Variants in PTPRT observed in about 807,000 individuals in gnomAD.
The protein encoded by PTPRT is receptor-type tyrosine-protein phosphatase T.
Under a neutral mutation model 176.8 loss-of-function variants are expected in PTPRT, and 56 were observed. The observed-to-expected ratio is 0.32, with a 90% CI of 0.26 to 0.40. The LOEUF (loss-of-function observed/expected upper bound fraction) is 0.40. PTPRT is among the 10% of genes least tolerant of loss of function. The pLI, the probability that PTPRT is intolerant of heterozygous loss-of-function variation, is 1.00. For missense variants in PTPRT, 1,540 were observed against 1,908.2 expected (o/e 0.81, Z 3.60); for synonymous variants, 783 against 739.0 (o/e 1.06, Z -0.96).
chr20:43,036,643 G>A (rs1484160349), intron 1 of PTPRT, among the ~76,000 whole-genome samples: 1 of 152,104 alleles, frequency 6.6e-6, no homozygotes, highest in South Asian at 2.1e-4. Flanking sequence ...AGTTAGCTAT[G>A]AAAGGTTAGA....
intron 16 of PTPRT, among the ~76,000 whole-genome samples, chr20:42,174,929 G>A (rs1241732022): frequency 6.6e-6 from 1 of 152,160 alleles, no homozygotes; most frequent in Non-Finnish European, 1.5e-5. Flanking sequence ...CAACACATCA[G>A]AGGTTATAAT....
chr20:43,049,584 C>G (rs1226360649), intron 1 of PTPRT, among the ~76,000 whole-genome samples: 1 of 152,204 alleles, frequency 6.6e-6, no homozygotes, highest in Non-Finnish European at 1.5e-5. Context: ...GCATACAACT[C>G]AATTCCTGCT....
intron 6 of PTPRT, among the ~76,000 whole-genome samples, chr20:42,754,998 C>T (rs1256690148): frequency 6.6e-6 from 1 of 151,772 alleles, no homozygotes; most frequent in Non-Finnish European, 1.5e-5. Context: ...AAAGGGGAGA[C>T]AAAAAGTCAC....
At chr20:42,639,848 C>G (rs2074697719) in intron 7 of PTPRT, among the ~76,000 whole-genome samples, 1 of 152,086 alleles carries the variant, frequency 6.6e-6, no homozygotes, top group Non-Finnish European at 1.5e-5. Flanking sequence ...TCCATTCTTT[C>G]CAGGCACCTG....
intron 7 of PTPRT, among the ~76,000 whole-genome samples, chr20:42,648,817 G>GTTTTTTTTTTTTTTTTT (rs1439201331): frequency 9.1e-6 from 1 of 109,896 alleles, no homozygotes; most frequent in African/African-American, 4.5e-5. Context: ...TTTTGGTGTC[G>GTTTTTTTTTTTTTTTTT]TTGTTTTTTT....
chr20:43,122,585 CGAGT>C (rs1462202548), intron 1 of PTPRT, among the ~76,000 whole-genome samples: 2 of 152,142 alleles, frequency 1.3e-5, no homozygotes, highest in African/African-American at 2.4e-5. Context: ...CACTTGTTAA[CGAGT>C]GAGTGCTCGC....
At chr20:42,320,827 A>G (rs1286420900) in intron 11 of PTPRT, among the ~76,000 whole-genome samples, 1 of 152,192 alleles carries the variant, frequency 6.6e-6, no homozygotes, top group Non-Finnish European at 1.5e-5. Context: ...CTATGTCTGC[A>G]CCAGAGAGAC....
chr20:42,170,133 G>A (rs1169680130), intron 16 of PTPRT, among the ~76,000 whole-genome samples: 2 of 152,148 alleles, frequency 1.3e-5, no homozygotes, highest in African/African-American at 4.8e-5. Context: ...ATCCATGAGG[G>A]GAGCTGGGCT....
chr20:42,929,940 C>T (rs1979726827), intron 1 of PTPRT, among the ~76,000 whole-genome samples: 1 of 152,180 alleles, frequency 6.6e-6, no homozygotes, highest in African/African-American at 2.4e-5. Flanking sequence ...TGGAATGACC[C>T]ATTACTGCAA....
intron 1 of PTPRT, among the ~76,000 whole-genome samples, chr20:43,009,069 A>C (rs765122134): frequency 3.3e-5 from 5 of 152,192 alleles, no homozygotes; most frequent in Non-Finnish European, 5.9e-5. Flanking sequence ...CTTGGTGAGC[A>C]AGAAAGAGCT....
chr20:42,510,517 G>A (rs2071935713), intron 7 of PTPRT, among the ~76,000 whole-genome samples: 1 of 152,002 alleles, frequency 6.6e-6, no homozygotes. Flanking sequence ...TATTTACTGG[G>A]TCATACAAGA....
intron 9 of PTPRT, among the ~76,000 whole-genome samples, chr20:42,433,528 T>G (rs1329998159): frequency 6.6e-6 from 1 of 152,140 alleles, no homozygotes; most frequent in Admixed American, 6.5e-5. Context: ...TGGAAGAGCA[T>G]GCCCTGATTG....
intron 1 of PTPRT, among the ~76,000 whole-genome samples, chr20:43,026,438 T>C (rs1249839160): frequency 6.6e-6 from 1 of 152,166 alleles, no homozygotes; most frequent in African/African-American, 2.4e-5. Flanking sequence ...TTTTTCTAAT[T>C]TTTAATTTTT....
intron 6 of PTPRT, among the ~76,000 whole-genome samples, chr20:42,714,564 A>G (rs1285769562): frequency 6.6e-6 from 1 of 152,248 alleles, no homozygotes; most frequent in Non-Finnish European, 1.5e-5. Flanking sequence ...TCTGGCCACA[A>G]CTGACTAACT....
At chr20:42,498,182 T>C (rs1480750165) in intron 7 of PTPRT, among the ~76,000 whole-genome samples, 2 of 152,194 alleles carry the variant, frequency 1.3e-5, no homozygotes, top group Non-Finnish European at 1.5e-5. Context: ...ACTGATCATA[T>C]GGAGATGTCA....
intron 7 of PTPRT, among the ~76,000 whole-genome samples, chr20:42,659,900 A>C (rs1335402684): frequency 6.6e-6 from 1 of 152,176 alleles, no homozygotes; most frequent in Non-Finnish European, 1.5e-5. Flanking sequence ...TTCACAGCAC[A>C]TAGAAACCTT....
At position 42,982,560 on chromosome 20, in the gene PTPRT, A is replaced by T. The variant is rs1221628994; in HGVS notation, c.89-96628T>A. Among the ~76,000 whole-genome samples, 5 of 152,350 alleles carry T rather than the reference A, an allele frequency of 3.3e-5. No individual in the cohort carries two copies. The South Asian group carries it at 1.0e-3, about 32-fold the overall frequency. ...GAAAAAGAAAAATCTGCCAAAGAGA[A>T]CTATGTGAAGGCCCTGAGGCAGCAA... On this transcript the variant is annotated intron_variant, in intron 1 of 30. Transcript: ENST00000373187.
At chr20:42,119,821 G>A in intron 20 of PTPRT, 114 bp downstream of exon 20, 1 of 914,726 alleles carries the variant, frequency 1.1e-6, no homozygotes, top group Non-Finnish European at 1.6e-6. Flanking sequence ...AGTGAAAAAG[G>A]AGGGTTGGAG....
At chr20:42,488,951 A>C (rs1175698790) in intron 7 of PTPRT, among the ~76,000 whole-genome samples, 2 of 40,256 alleles carry the variant, frequency 5.0e-5, no homozygotes, top group Non-Finnish European at 8.4e-5. Flanking sequence ...ACTCTGTCTC[A>C]AAAAAAAAAA....
Sources: allele counts gnomAD v4.1 joint callset (sites outside exome capture counted in the v4.1 genomes callset), GRCh38; gene constraint gnomAD v4.1.1; transcripts MANE v1.5; gene names NCBI Gene and HGNC (gene_info 2026-07-23, HGNC 2026-07-21).